PTPRT: variants seen among roughly 807,000 people sequenced by gnomAD.
PTPRT encodes the protein receptor-type tyrosine-protein phosphatase T.
A neutral mutation model predicts 176.8 loss-of-function variants in PTPRT; 56 were observed. That is an observed-to-expected ratio of 0.32 (90% CI 0.26 to 0.40). The LOEUF is 0.40. Among genes scored for constraint, PTPRT ranks in the 10% least tolerant of loss-of-function variants. The probability of loss-of-function intolerance (pLI) is 1.00; values close to 1 mark genes in which losing one functional copy is unlikely to be tolerated. For missense variants in PTPRT, 1,540 were observed against 1,908.2 expected (o/e 0.81, Z 3.60); for synonymous variants, 783 against 739.0 (o/e 1.06, Z -0.96).
At chr20:42,426,810 G>C (rs1291646034) in intron 9 of PTPRT, among the ~76,000 whole-genome samples, 2 of 152,184 alleles carry the variant, frequency 1.3e-5, no homozygotes, top group African/African-American at 4.8e-5. Context: ...GGGGGGTCAG[G>C]GAACCCTCTT....
chr20:42,851,108 A>G (rs1177191698), intron 2 of PTPRT, among the ~76,000 whole-genome samples: 1 of 152,158 alleles, frequency 6.6e-6, no homozygotes, highest in Non-Finnish European at 1.5e-5. Context: ...CCAAGATACT[A>G]GTCTTCTAAT....
At chr20:43,050,235 A>C (rs1787291167) in intron 1 of PTPRT, among the ~76,000 whole-genome samples, 1 of 152,240 alleles carries the variant, frequency 6.6e-6, no homozygotes, top group Non-Finnish European at 1.5e-5. Context: ...AGACAAGAGC[A>C]TGGGCACTGC....
At chr20:42,451,713 A>G (rs1054322824) in intron 8 of PTPRT, among the ~76,000 whole-genome samples, 3 of 152,170 alleles carry the variant, frequency 2.0e-5, no homozygotes, top group Non-Finnish European at 2.9e-5. Flanking sequence ...TAGTCGAGTA[A>G]GATGTGGCTT....
At chr20:42,606,393 A>G (rs1382620756) in intron 7 of PTPRT, among the ~76,000 whole-genome samples, 1 of 152,206 alleles carries the variant, frequency 6.6e-6, no homozygotes, top group East Asian at 1.9e-4. Context: ...AGCCTTGCCA[A>G]CTGCTCACAG....
intron 1 of PTPRT, among the ~76,000 whole-genome samples, chr20:43,053,728 A>G (rs1433941787): frequency 6.6e-6 from 1 of 152,092 alleles, no homozygotes; most frequent in East Asian, 1.9e-4. Flanking sequence ...TGCTCTCCAC[A>G]GTGTTTGAGG....
chr20:42,675,400 C>CTTTAT (rs2075484894), intron 7 of PTPRT, among the ~76,000 whole-genome samples: 2 of 152,116 alleles, frequency 1.3e-5, no homozygotes, highest in East Asian at 3.9e-4. Flanking sequence ...TTATATATAT[C>CTTTAT]GTAGGCAATC....
At chr20:42,142,358 C>G (rs1036969015) in intron 17 of PTPRT, among the ~76,000 whole-genome samples, 1 of 152,154 alleles carries the variant, frequency 6.6e-6, no homozygotes, top group African/African-American at 2.4e-5. Context: ...GAGAAACAGA[C>G]AAGTTCCCCT....
Position 42,866,579 on chromosome 20 carries a change from G to A in PTPRT, c.214+19228C>T, listed in dbSNP as rs117838146. 5.3e-3 allele frequency among the ~76,000 whole-genome samples: 814 copies of A among 152,252 alleles called. 2 individuals are homozygous for A. The highest frequency in any genetic ancestry group is 9.2e-3 in the Non-Finnish European group (623 of 68,020). ...TGCCTTTCACACTGGCCAACAAGTG[G>A]TTATCCTAAAAGATAAATCTGATCA... On this transcript the variant is annotated intron_variant, in intron 2 of 30. Transcript: ENST00000373187.
intron 7 of PTPRT, among the ~76,000 whole-genome samples, chr20:42,639,860 C>G (rs953362584): frequency 6.6e-6 from 1 of 152,058 alleles, no homozygotes; most frequent in Non-Finnish European, 1.5e-5. Flanking sequence ...AGGCACCTGT[C>G]TTTTTACTCT....
At chr20:42,172,481 T>G (rs1372571093) in intron 16 of PTPRT, among the ~76,000 whole-genome samples, 1 of 152,224 alleles carries the variant, frequency 6.6e-6, no homozygotes. Flanking sequence ...ATGGACGTGG[T>G]CAGGGTCAGC....
At chr20:42,061,366 G>A in the PTPRT span, among the ~76,000 whole-genome samples, 3 of 152,108 alleles carry the variant, frequency 2.0e-5, no homozygotes, top group South Asian at 2.1e-4. Context: ...ATGAGCCCGC[G>A]CAGTGCAGAG....
intron 16 of PTPRT, among the ~76,000 whole-genome samples, chr20:42,186,271 G>A (rs2146616449): frequency 1.3e-5 from 2 of 152,094 alleles, no homozygotes; most frequent in Middle Eastern, 6.8e-3. Context: ...AGCAACCATA[G>A]GAAATGCATG....
chr20:42,553,670 C>T (rs2072809443), intron 7 of PTPRT, among the ~76,000 whole-genome samples: 4 of 152,120 alleles, frequency 2.6e-5, no homozygotes, highest in South Asian at 2.1e-4. Context: ...GACTTTTACA[C>T]ACACCTTTTT....
chr20:43,007,998 A>C (rs1169089489), intron 1 of PTPRT, among the ~76,000 whole-genome samples: 1 of 152,336 alleles, frequency 6.6e-6, no homozygotes, highest in East Asian at 1.9e-4. Flanking sequence ...ATAAGCACTA[A>C]GTGTTAGTAA....
chr20:42,047,413 C>G, the PTPRT span, among the ~76,000 whole-genome samples: 2 of 152,176 alleles, frequency 1.3e-5, no homozygotes, highest in Non-Finnish European at 2.9e-5. Flanking sequence ...TGAAGACAGG[C>G]CACCAGACCC....
At chr20:42,711,992 G>A (rs2076151503) in intron 6 of PTPRT, among the ~76,000 whole-genome samples, 1 of 151,910 alleles carries the variant, frequency 6.6e-6, no homozygotes, top group African/African-American at 2.4e-5. Flanking sequence ...CTTGATGCCT[G>A]GATAACCCAA....
intron 13 of PTPRT, among the ~76,000 whole-genome samples, chr20:42,281,625 C>T (rs776144595): frequency 6.6e-6 from 1 of 152,092 alleles, no homozygotes; most frequent in African/African-American, 2.4e-5. Context: ...TCGCTTTTCT[C>T]TGTACTTTAA....
intron 3 of PTPRT, among the ~76,000 whole-genome samples, chr20:42,782,312 C>T (rs1357312586): frequency 6.6e-6 from 1 of 152,162 alleles, no homozygotes; most frequent in East Asian, 1.9e-4. Flanking sequence ...GCTGCCAATG[C>T]ACTGATAACT....
At chr20:43,008,054 G>C (rs777541196) in intron 1 of PTPRT, among the ~76,000 whole-genome samples, 3 of 152,184 alleles carry the variant, frequency 2.0e-5, no homozygotes, top group Non-Finnish European at 4.4e-5. Context: ...CTTTGCCACA[G>C]ATTTAAGGAT....
Sources: gnomAD v4.1 joint callset for allele counts (sites outside exome capture counted in the v4.1 genomes callset) on GRCh38, gnomAD v4.1.1 for gene constraint, MANE v1.5 for transcripts, NCBI Gene and HGNC (gene_info 2026-07-23, HGNC 2026-07-21) for gene names.